The following NOTCH1 variants were observed in gnomAD, a reference collection of about 807,000 sequenced individuals.
NOTCH1 encodes the protein neurogenic locus notch homolog protein 1.
Under a neutral mutation model 254.8 loss-of-function variants are expected in NOTCH1, and 37 were observed. That is an observed-to-expected ratio of 0.15 (90% CI 0.11 to 0.19). NOTCH1 has a LOEUF of 0.19. NOTCH1 is among the 10% of genes least tolerant of loss of function. The probability of loss-of-function intolerance (pLI) is 1.00; values close to 1 mark genes in which losing one functional copy is unlikely to be tolerated. For synonymous variants in NOTCH1, 1,731 were observed against 1,618.1 expected, an observed-to-expected ratio of 1.07 and a Z score of -1.68; for missense variants, 2,972 against 3,708.6, an observed-to-expected ratio of 0.80 and a Z score of 5.16.
At position 136,506,635 on chromosome 9, in the gene NOTCH1, G is replaced by A. The variant is rs1190237153; in HGVS notation, c.3906C>T (p.Arg1302=). ...HCECRAGHTG[R]RCESVINGCK... The stretch of plus-strand genomic sequence containing the variant: ...AGCCATTGATGACGGACTCGCAGCG[G>A]CGCCCTAGGGGTAAGAGCAGGGCAG... The change falls in exon 24 of 34, where the codon CGC becomes CGT. Residue 1302 remains arginine, a synonymous_variant. Transcript: ENST00000651671. The surrounding 1 kb of genome is among the most constrained non-coding windows in gnomAD (Gnocchi z 4.5). 1 of 1,606,070 alleles carries A rather than the reference G, an allele frequency of 6.2e-7. No individual in the cohort carries two copies. The highest frequency in any genetic ancestry group is 8.5e-7 in the Non-Finnish European group (1 of 1,177,098).
intron 30 of NOTCH1, 96 bp from the exon 31 acceptor site, chr9:136,500,943 G>C: frequency 7.3e-7 from 1 of 1,376,544 alleles, no homozygotes; most frequent in Non-Finnish European, 9.8e-7. Context: ...AGGGGCCACG[G>C]TGTGGATGCA....
chr9:136,509,710 G>A (rs778681556), intron 18 of NOTCH1, 23 bp downstream of exon 18: 28 of 1,605,386 alleles, frequency 1.7e-5, no homozygotes, highest in Admixed American at 1.2e-4. Flanking sequence ...TCCCTTCCAC[G>A]GCCTCACTCG....
intron 2 of NOTCH1, among the ~76,000 whole-genome samples, chr9:136,534,533 C>T (rs1350329891): frequency 1.3e-5 from 2 of 152,178 alleles, no homozygotes; most frequent in African/African-American, 4.8e-5. Flanking sequence ...AGGCCTCCCA[C>T]TGGGCGAGAA....
intron 2 of NOTCH1, among the ~76,000 whole-genome samples, chr9:136,538,994 C>T (rs1055028897): frequency 6.6e-5 from 10 of 152,200 alleles, no homozygotes; most frequent in Admixed American, 3.9e-4. Flanking sequence ...CAGTGGGCAC[C>T]GGTGGCCGCT....
At position 136,545,709 on chromosome 9, in the gene NOTCH1, G is replaced by A. The variant is rs1257267003; in HGVS notation, c.61+17C>T. ...AGGGCGCGGAAAGTGGGGGCTCGCG[G>A]GTGGGTGGGCGCCTACCTCGTGCGG... On this transcript the variant is annotated intron_variant, in intron 1 of 33. Coordinates refer to ENST00000651671, the MANE Select transcript of NOTCH1 (RefSeq NM_017617.5). The surrounding 1 kb of genome is among the most constrained non-coding windows in gnomAD (Gnocchi z 6.8). 4 of 1,442,390 alleles carry A rather than the reference G, an allele frequency of 2.8e-6. No homozygotes were observed. In the East Asian group the frequency reaches 9.3e-5, roughly 33 times the overall value. The allele number at this position is 1,442,390 out of a possible 1,614,324, so 89.3% of individuals were successfully genotyped here. A position where few individuals can be genotyped will look rare whatever the true frequency, so the allele number is the denominator to read the frequency against.
Position 136,496,047 on chromosome 9 carries a change from C to T in NOTCH1, c.*24G>A, listed in dbSNP as rs577451694. On this transcript the variant is annotated 3_prime_UTR_variant, in exon 34 of 34. Transcript: ENST00000651671. ...ACGCCCGAAGGCTTGGGAAAGGAAGCCGGGGTCTCGTGGGGCGCGCCGTTT... is the reference window on the plus strand; with the variant it reads ...ACGCCCGAAGGCTTGGGAAAGGAAGTCGGGGTCTCGTGGGGCGCGCCGTTT... The T allele has an allele frequency of 7.6e-6, 12 of 1,586,840 alleles. No individual in the cohort carries two copies. The African/African-American group carries it at 9.3e-5, about 12-fold the overall frequency.
intron 2 of NOTCH1, among the ~76,000 whole-genome samples, chr9:136,526,770 C>T (rs796435241): frequency 2.8e-4 from 42 of 152,330 alleles, no homozygotes; most frequent in African/African-American, 1.0e-3. Flanking sequence ...TGTATCACGC[C>T]GGGCCAGCAA....
At position 136,505,105 on chromosome 9, in the gene NOTCH1, C is replaced by T. The variant is rs2133337914; in HGVS notation, c.4587-1G>A. The T allele has an allele frequency of 6.2e-7, 1 of 1,607,676 alleles. No homozygotes were observed. On this transcript the variant is annotated splice_acceptor_variant, in intron 25 of 33. Transcript: ENST00000651671. LOFTEE classifies it high-confidence loss of function. ...CTTGCAGTACTGGTCGTACAGGGGG[C>T]TGTGGGGGGCGGGACACGCTCAGGC...
intron 33 of NOTCH1, among the ~76,000 whole-genome samples, chr9:136,498,560 T>G (rs995922791): frequency 2.6e-5 from 4 of 152,026 alleles, no homozygotes; most frequent in African/African-American, 4.8e-5. Flanking sequence ...GAGGTCCAGG[T>G]GACGGTGACA....
At chr9:136,501,162 C>T (rs893737809) in intron 30 of NOTCH1, among the ~76,000 whole-genome samples, 4 of 152,188 alleles carry the variant, frequency 2.6e-5, no homozygotes, top group Non-Finnish European at 5.9e-5. Flanking sequence ...CAGCAGGATG[C>T]GGAGGCTCAC....
Position 136,545,579 on chromosome 9 carries a change from G to C in NOTCH1, c.61+147C>G. The C allele has an allele frequency of 3.6e-6, 2 of 560,950 alleles. No homozygotes were observed. The highest frequency in any genetic ancestry group is 5.8e-6 in the Non-Finnish European group (2 of 346,102). 34.7% of individuals were successfully genotyped at this position (560,950 alleles called of 1,614,324 possible). A position where few individuals can be genotyped will look rare whatever the true frequency, so the allele number is the denominator to read the frequency against. On this transcript the variant is annotated intron_variant, in intron 1 of 33. Coordinates refer to ENST00000651671, the MANE Select transcript of NOTCH1 (RefSeq NM_017617.5). The surrounding 1 kb of genome is among the most constrained non-coding windows in gnomAD (Gnocchi z 6.8). Reference sequence around the variant, plus strand: ...GGTCCTCCCTGATCCCGGGACTCCAGAACCCCACGCCCCGGGCCGCCCGCT... The same window carrying C: ...GGTCCTCCCTGATCCCGGGACTCCACAACCCCACGCCCCGGGCCGCCCGCT...
At chr9:136,533,309 T>C (rs1843590660) in intron 2 of NOTCH1, among the ~76,000 whole-genome samples, 2 of 44,896 alleles carry the variant, frequency 4.5e-5, no homozygotes, top group African/African-American at 2.4e-4. Flanking sequence ...GTGCCCAGCC[T>C]GAGCTCAAGC....
Position 136,501,850 on chromosome 9 carries a change from G to A in NOTCH1, c.5536C>T (p.Gln1846Ter), listed in dbSNP as rs2133329001. The A allele has an allele frequency of 6.2e-7, 1 of 1,612,638 alleles. No individual in the cohort carries two copies. ...DQTDHRQWTQ[Q>*]HLDAADLRMS... ...CGCAGGTCAGCGGCATCCAGGTGCTGCTGAGTCCACTGCCGGTGGTCTGTC... is the reference window on the plus strand; with the variant it reads ...CGCAGGTCAGCGGCATCCAGGTGCTACTGAGTCCACTGCCGGTGGTCTGTC... Residue 1846 changes from glutamine to a stop codon, truncating the protein, a stop_gained, in exon 30 of 34, where the codon CAG becomes TAG. Coordinates refer to ENST00000651671, the MANE Select transcript of NOTCH1 (RefSeq NM_017617.5). LOFTEE classifies it high-confidence loss of function.
At chr9:136,522,696 AC>A in intron 4 of NOTCH1, 153 bp downstream of exon 4, 1 of 717,164 alleles carries the variant, frequency 1.4e-6, no homozygotes, top group Non-Finnish European at 2.2e-6. Flanking sequence ...TCCCCCCGAC[AC>A]CACACGCAGT....
rs2133371284 is a variant in NOTCH1 at position 136,518,740 on chromosome 9, C to G, written c.950G>C (p.Gly317Ala). 1.2e-6 allele frequency: 2 copies of G among 1,612,944 alleles called. No individual in the cohort carries two copies. The highest frequency in any genetic ancestry group is 1.7e-6 in the Non-Finnish European group (2 of 1,180,008). ...QNGGTCHNTH[G>A]GYNCVCVNGW... ...GTTGACACACACGCAGTTGTAGCCA[C>G]CGTGGGTGTTGTGGCAGGTCCCGCC... Residue 317 changes from glycine to alanine, a missense_variant, in exon 6 of 34, where the codon GGT (glycine) becomes GCT (alanine). Physicochemically the swap from Gly to Ala is moderately conservative, Grantham distance 60. Around this residue, in one of 8 missense-constraint regions of NOTCH1, gnomAD observed 374 missense variants for 496.3 expected, o/e 0.75. Transcript: ENST00000651671.
chr9:136,545,166 G>A lies in NOTCH1; in HGVS notation c.61+560C>T, dbSNP rs1362831603. ...TCTTACGCAACCCCTCCCCCAAACT[G>A]AGAGCCGGGCTGGGGGGCACCGGCG... On this transcript the variant is annotated intron_variant, in intron 1 of 33. Transcript: ENST00000651671. This position sits in a 1 kb window ranked among gnomAD's most constrained non-coding sequence, Gnocchi z 6.8. Among the ~76,000 whole-genome samples the A allele has an allele frequency of 1.3e-5, 2 of 151,046 alleles. No homozygotes were observed. The highest frequency in any genetic ancestry group is 4.0e-4 in the East Asian group (2 of 5,054).
intron 4 of NOTCH1, among the ~76,000 whole-genome samples, chr9:136,521,479 G>A (rs899405959): frequency 1.3e-5 from 2 of 152,124 alleles, no homozygotes; most frequent in South Asian, 2.1e-4. Flanking sequence ...GCCCAAGGCG[G>A]GTGGGCATCA....
chr9:136,518,065 A>T, intron 7 of NOTCH1, 72 bp downstream of exon 7: 1 of 1,552,082 alleles, frequency 6.4e-7, no homozygotes, highest in Non-Finnish European at 8.7e-7. Context: ...CTGAAGCCAG[A>T]ATCGACTTCT....
intron 2 of NOTCH1, among the ~76,000 whole-genome samples, chr9:136,542,462 G>C (rs1439536101): frequency 2.6e-5 from 4 of 151,238 alleles, no homozygotes; most frequent in African/African-American, 7.3e-5. Context: ...CCCAGCTGTC[G>C]GTCTCTGAAT....
Sources: allele counts gnomAD v4.1 joint callset (sites outside exome capture counted in the v4.1 genomes callset), GRCh38; gene constraint gnomAD v4.1.1; regional missense constraint gnomAD v4.1.1; non-coding constraint Gnocchi (gnomAD v3.1); transcripts MANE v1.5; gene names NCBI Gene and HGNC (gene_info 2026-07-23, HGNC 2026-07-21).